Variants in CADM2 observed in about 807,000 individuals in gnomAD.
The protein encoded by CADM2 is cell adhesion molecule 2, also known as immunoglobulin superfamily member 4D.
A neutral mutation model predicts 49.8 loss-of-function variants in CADM2; 12 were observed. The observed-to-expected ratio is 0.24, with a 90% CI of 0.15 to 0.39. CADM2 has a LOEUF of 0.39. Ranked by LOEUF, CADM2 falls within the 10% of genes least tolerant of loss-of-function variation. The probability of loss-of-function intolerance (pLI) is 1.00; values close to 1 mark genes in which losing one functional copy is unlikely to be tolerated. For missense variants in CADM2, 378 were observed against 492.3 expected (o/e 0.77, Z 2.20); for synonymous variants, 214 against 175.4 (o/e 1.22, Z -1.74).
intron 1 of CADM2, among the ~76,000 whole-genome samples, chr3:85,299,281 T>C (rs1373040460): frequency 6.6e-6 from 1 of 152,070 alleles, no homozygotes; most frequent in African/African-American, 2.4e-5. Context: ...AAAGCACCTA[T>C]AAATGTAAAA....
At chr3:85,187,609 A>G (rs1180571302) in intron 1 of CADM2, among the ~76,000 whole-genome samples, 1 of 152,106 alleles carries the variant, frequency 6.6e-6, no homozygotes. Context: ...GCCAAGGTAA[A>G]TTGCAATTGG....
chr3:85,071,023 C>CAAACAAAT (rs1559645351), intron 1 of CADM2, among the ~76,000 whole-genome samples: 1 of 84,242 alleles, frequency 1.2e-5, no homozygotes, highest in Non-Finnish European at 2.8e-5. Context: ...AATAAATAAA[C>CAAACAAAT]AAATAAATAA....
chr3:86,039,108 G>C (rs1282917802), intron 8 of CADM2, among the ~76,000 whole-genome samples: 2 of 152,132 alleles, frequency 1.3e-5, no homozygotes, highest in Non-Finnish European at 2.9e-5. Flanking sequence ...TGGCCAAATA[G>C]GAACAGCTCC....
intron 1 of CADM2, among the ~76,000 whole-genome samples, chr3:85,558,112 A>AGT (rs959363017): frequency 7.3e-5 from 11 of 151,458 alleles, no homozygotes; most frequent in South Asian, 2.1e-4. Flanking sequence ...TGAGTCTGTG[A>AGT]GTGTGTGTGT....
At chr3:85,592,567 A>G (rs1229211479) in intron 1 of CADM2, among the ~76,000 whole-genome samples, 2 of 151,980 alleles carry the variant, frequency 1.3e-5, no homozygotes, top group Non-Finnish European at 2.9e-5. Flanking sequence ...TTGGGTCAAC[A>G]ATACCTTTAT....
chr3:85,766,418 C>T (rs2069659399), intron 2 of CADM2, among the ~76,000 whole-genome samples: 3 of 152,130 alleles, frequency 2.0e-5, no homozygotes, highest in African/African-American at 2.4e-5. Flanking sequence ...TAAAACTGTT[C>T]AGATGGATAA....
At chr3:86,058,651 A>G (rs1738267844) in intron 8 of CADM2, among the ~76,000 whole-genome samples, 1 of 152,110 alleles carries the variant, frequency 6.6e-6, no homozygotes. Flanking sequence ...ATAACAATTG[A>G]ATAATAATCA....
intron 1 of CADM2, among the ~76,000 whole-genome samples, chr3:85,705,046 TA>T (rs1394612477): frequency 2.2e-5 from 3 of 137,016 alleles, no homozygotes; most frequent in South Asian, 2.3e-4. Context: ...TTTTTTTTTT[TA>T]AATAGAGACG....
chr3:84,985,516 G>T (rs975434402), intron 1 of CADM2, among the ~76,000 whole-genome samples: 3 of 151,988 alleles, frequency 2.0e-5, no homozygotes, highest in African/African-American at 7.3e-5. Context: ...AGAGAGATTT[G>T]AATCACTCTG....
chr3:85,412,587 AT>A (rs1351618286), intron 1 of CADM2, among the ~76,000 whole-genome samples: 1 of 151,520 alleles, frequency 6.6e-6, no homozygotes, highest in Non-Finnish European at 1.5e-5. Context: ...TAGAAAAGTC[AT>A]GGTTACATCA....
At chr3:85,833,191 T>G (rs577123576) in intron 3 of CADM2, among the ~76,000 whole-genome samples, 1 of 152,062 alleles carries the variant, frequency 6.6e-6, no homozygotes. Context: ...GAATTAGCTT[T>G]CTGATGTGCT....
chr3:85,342,890 CTTA>C (rs2030060974), intron 1 of CADM2, among the ~76,000 whole-genome samples: 1 of 152,142 alleles, frequency 6.6e-6, no homozygotes, highest in African/African-American at 2.4e-5. Flanking sequence ...AAATCCATTC[CTTA>C]TTATGAGATT....
At chr3:84,963,381 G>T (rs749513577) in intron 1 of CADM2, among the ~76,000 whole-genome samples, 1 of 152,112 alleles carries the variant, frequency 6.6e-6, no homozygotes, top group Non-Finnish European at 1.5e-5. Flanking sequence ...TGGAGAGAAT[G>T]CCCTGGGTAG....
intron 1 of CADM2, among the ~76,000 whole-genome samples, chr3:85,331,714 CTGTGA>C (rs1353841970): frequency 3.9e-5 from 6 of 152,000 alleles, no homozygotes; most frequent in African/African-American, 1.4e-4. Context: ...TCCATAATGG[CTGTGA>C]TAATTTACAT....
intron 1 of CADM2, among the ~76,000 whole-genome samples, chr3:85,225,949 G>A (rs1245960573): frequency 6.6e-6 from 1 of 152,204 alleles, no homozygotes; most frequent in Non-Finnish European, 1.5e-5. Context: ...CAGGGATGAA[G>A]CCGACTTCAT....
intron 1 of CADM2, among the ~76,000 whole-genome samples, chr3:85,691,848 C>T (rs1381861959): frequency 3.9e-5 from 6 of 152,036 alleles, no homozygotes; most frequent in African/African-American, 1.4e-4. Context: ...AGCTGGAAAC[C>T]ATCATTCTCA....
At chr3:86,003,243 G>T (rs769978866) in intron 8 of CADM2, among the ~76,000 whole-genome samples, 21 of 152,136 alleles carry the variant, frequency 1.4e-4, no homozygotes, top group Non-Finnish European at 2.5e-4. Context: ...GAAGAAAACT[G>T]ACTACGTGTA....
At chr3:85,734,907 A>G (rs2107806055) in intron 2 of CADM2, among the ~76,000 whole-genome samples, 1 of 151,510 alleles carries the variant, frequency 6.6e-6, no homozygotes, top group Non-Finnish European at 1.5e-5. Flanking sequence ...ATAGTAAGAG[A>G]TATAGTAAAA....
chr3:85,688,515 A>C (rs1369420788), intron 1 of CADM2, among the ~76,000 whole-genome samples: 1 of 152,078 alleles, frequency 6.6e-6, no homozygotes, highest in Non-Finnish European at 1.5e-5. Flanking sequence ...TGAGAATGCA[A>C]AATGCTATAA....
Sources: gnomAD v4.1 joint callset for allele counts (sites outside exome capture counted in the v4.1 genomes callset) on GRCh38, gnomAD v4.1.1 for gene constraint, MANE v1.5 for transcripts, NCBI Gene and HGNC (gene_info 2026-07-23, HGNC 2026-07-21) for gene names.